Variants in VAV1 observed in about 807,000 individuals in gnomAD.
VAV1 encodes proto-oncogene vav.
In VAV1, 33 loss-of-function variants were observed where a neutral mutation model predicts 128.1. The observed-to-expected ratio is 0.26, with a 90% CI of 0.20 to 0.34. The LOEUF is 0.34. Ranked by LOEUF, VAV1 falls within the 10% of genes least tolerant of loss-of-function variation. The pLI is 1.00. For missense variants in VAV1, 715 were observed against 1,093.7 expected (o/e 0.65, Z 4.88); for synonymous variants, 394 against 409.8 (o/e 0.96, Z 0.47).
rs1378848011 is a variant in VAV1, at chr19:6,857,106, G to A, written c.2537G>A (p.Ter846=). 1 of 1,614,088 alleles carries A rather than the reference G, an allele frequency of 6.2e-7. No homozygotes were observed. The stretch of plus-strand genomic sequence containing the variant: ...GAGGAAGATTATTCTGAATACTGCT[G>A]AGCCCTGGTGCCTTGGCAGAGAGAC... ...YVEEDYSEYC[*] The change falls in exon 27 of 27, where the codon TGA becomes TAA. Residue 846 remains the stop codon, a stop_retained_variant. Coordinates refer to ENST00000602142, the MANE Select transcript of VAV1 (RefSeq NM_005428.4).
intron 19 of VAV1, among the ~76,000 whole-genome samples, chr19:6,834,660 A>G (rs1220607573): frequency 1.4e-5 from 2 of 146,588 alleles, no homozygotes; most frequent in African/African-American, 4.9e-5. Context: ...AATAATATAT[A>G]AAATATATAT....
chr19:6,848,090 C>A lies in VAV1; in HGVS notation c.2105C>A (p.Ala702Glu). The change falls in exon 23 of 27, where the codon GCA (alanine) becomes GAA (glutamate). Residue 702 changes from alanine to glutamate, a missense_variant. Coordinates refer to ENST00000602142, the MANE Select transcript of VAV1 (RefSeq NM_005428.4). The part of the protein sequence containing the change: ...TFLVRQRVKD[A>E]AEFAISIKYN... ...TTGGTGCGGCAGAGGGTGAAGGATG[C>A]AGCAGAATTTGCCATCAGCATTAAG... is the stretch of plus-strand genomic sequence containing the variant. The A allele has an allele frequency of 6.4e-7, 1 of 1,553,756 alleles. No homozygotes were observed. The highest frequency in any genetic ancestry group is 8.6e-7 in the Non-Finnish European group (1 of 1,156,610).
At chr19:6,837,699 T>C (rs1972255713) in intron 21 of VAV1, among the ~76,000 whole-genome samples, 1 of 152,146 alleles carries the variant, frequency 6.6e-6, no homozygotes, top group Non-Finnish European at 1.5e-5. Context: ...TTTCATCAGT[T>C]CTGTTAATGT....
chr19:6,788,218 G>A (rs1206161580), intron 1 of VAV1, among the ~76,000 whole-genome samples: 1 of 151,938 alleles, frequency 6.6e-6, no homozygotes, highest in Non-Finnish European at 1.5e-5. Flanking sequence ...ACAGGAATGA[G>A]CCACCACATC....
chr19:6,808,353 C>G (rs1971442266), intron 1 of VAV1, among the ~76,000 whole-genome samples: 1 of 152,078 alleles, frequency 6.6e-6, no homozygotes, highest in African/African-American at 2.4e-5. Context: ...ATTCTCTCCT[C>G]CCCAATAATT....
chr19:6,816,165 G>A (rs993245028), intron 1 of VAV1, among the ~76,000 whole-genome samples: 27 of 151,752 alleles, frequency 1.8e-4, no homozygotes, highest in Non-Finnish European at 2.8e-4. Flanking sequence ...GACTACAGGC[G>A]CACACCACCA....
At chr19:6,798,260 G>A (rs1857730576) in intron 1 of VAV1, among the ~76,000 whole-genome samples, 1 of 152,030 alleles carries the variant, frequency 6.6e-6, no homozygotes, top group Non-Finnish European at 1.5e-5. Flanking sequence ...CTGGGCAACA[G>A]AGTGAGACTC....
At chr19:6,813,544 T>C (rs1396086404) in intron 1 of VAV1, among the ~76,000 whole-genome samples, 1 of 152,184 alleles carries the variant, frequency 6.6e-6, no homozygotes, top group East Asian at 1.9e-4. Context: ...AAACACATTG[T>C]CTTAATTACT....
chr19:6,854,234 A>C, intron 26 of VAV1, 136 bp downstream of exon 26: 1 of 1,183,686 alleles, frequency 8.4e-7, no homozygotes, highest in Non-Finnish European at 1.2e-6. Flanking sequence ...AGGAAGGGAC[A>C]CAGGGATGTC....
At chr19:6,855,223 C>A (rs1354716831) in intron 26 of VAV1, among the ~76,000 whole-genome samples, 1 of 152,158 alleles carries the variant, frequency 6.6e-6, no homozygotes, top group African/African-American at 2.4e-5. Context: ...TTACATTCTA[C>A]TGGGGAAAAT....
chr19:6,855,833 CTAT>C (rs1972784506), intron 26 of VAV1, among the ~76,000 whole-genome samples: 2 of 151,716 alleles, frequency 1.3e-5, no homozygotes, highest in Non-Finnish European at 2.9e-5. Flanking sequence ...ATCTATCTAT[CTAT>C]CTATCTATCC....
chr19:6,836,268 T>G, intron 19 of VAV1, 164 bp from the exon 20 acceptor site: 1 of 858,514 alleles, frequency 1.2e-6, no homozygotes, highest in Non-Finnish European at 1.8e-6. Flanking sequence ...TTACAAAGAG[T>G]ATCCCCACCA....
Position 6,785,910 on chromosome 19 carries a change from C to T in VAV1, c.204+12899C>T, listed in dbSNP as rs992693892. Reference sequence around the variant, plus strand: ...ATGACTTCAAGTGATCCGCCCGTCTCGGCCTCCCAAAGTGCTGGGATTACA... The same window carrying T: ...ATGACTTCAAGTGATCCGCCCGTCTTGGCCTCCCAAAGTGCTGGGATTACA... On this transcript the variant is annotated intron_variant, in intron 1 of 26. Transcript: ENST00000602142. Among the ~76,000 whole-genome samples, 14 of 152,044 alleles carry T rather than the reference C, an allele frequency of 9.2e-5. 1 individual carries two copies. Among genetic ancestry groups the T allele is most frequent in the African/African-American group, 3.1e-4 (13 of 41,394 alleles).
intron 1 of VAV1, chr19:6,816,523 ATACG>A (rs148869408): frequency 6.6e-6 from 1 of 150,620 alleles, no homozygotes; most frequent in African/African-American, 2.5e-5. Context: ...ACACAGACAC[ATACG>A]CACACACAGA....
intron 9 of VAV1, chr19:6,827,246 GGTTT>G (rs577396708): frequency 3.2e-4 from 52 of 161,064 alleles, no homozygotes; most frequent in African/African-American, 7.7e-4. Flanking sequence ...CATTCCAGTG[GGTTT>G]GTTTGTTTGT....
At chr19:6,849,091 AT>A (rs57015940) in intron 23 of VAV1, among the ~76,000 whole-genome samples, 36,575 of 148,482 alleles carry the variant, frequency 0.25, 5,445 homozygotes, top group African/African-American at 0.41. Flanking sequence ...CCACCTATAT[AT>A]TTTTTTTTTC....
rs1337496822 is a variant in VAV1, at chr19:6,832,600, T to TC, written c.1508+402dup. Among the ~76,000 whole-genome samples the TC allele has an allele frequency of 1.1e-4, 14 of 130,420 alleles. No homozygotes were observed. The South Asian group carries it at 1.6e-3, about 15-fold the overall frequency. 85.6% of individuals were successfully genotyped at this position (130,420 alleles called of 152,430 possible). ...CTCCTCCTCGCCCTCCTCTTCCTCTTCCTCCTATTCCTCCTCCACCTCTTC... is the reference window on the plus strand; with the variant it reads ...CTCCTCCTCGCCCTCCTCTTCCTCTTCCCTCCTATTCCTCCTCCACCTCTTC... On this transcript the variant is annotated intron_variant, in intron 15 of 26. Transcript: ENST00000602142.
chr19:6,792,286 G>A (rs1971034507), intron 1 of VAV1, among the ~76,000 whole-genome samples: 2 of 152,068 alleles, frequency 1.3e-5, no homozygotes, highest in South Asian at 4.1e-4. Flanking sequence ...GGGAGTCATG[G>A]ATCCAGCTCA....
Position 6,820,875 on chromosome 19 carries a change from T to C in VAV1, c.321+57T>C. On this transcript the variant is annotated intron_variant, in intron 2 of 26. Transcript: ENST00000602142. The surrounding 1 kb of genome is among the most constrained non-coding windows in gnomAD (Gnocchi z 4.4). The stretch of plus-strand genomic sequence containing the variant: ...GTTTCAGTTAATTTCTATTGACGTC[T>C]ACACTGGGCAAGCTAAGGACTGTCA... 6.6e-7 allele frequency: 1 copy of C among 1,525,514 alleles called. No homozygotes were observed. Among genetic ancestry groups the C allele is most frequent in the Non-Finnish European group, 9.1e-7 (1 of 1,100,720 alleles). The allele number at this position is 1,525,514 out of a possible 1,614,324, so 94.5% of individuals were successfully genotyped here. A position where few individuals can be genotyped will look rare whatever the true frequency, so the allele number is the denominator to read the frequency against.
Sources: allele counts gnomAD v4.1 joint callset (sites outside exome capture counted in the v4.1 genomes callset), GRCh38; gene constraint gnomAD v4.1.1; non-coding constraint Gnocchi (gnomAD v3.1); transcripts MANE v1.5; gene names NCBI Gene and HGNC (gene_info 2026-07-23, HGNC 2026-07-21).